Variants in TBKBP1 observed in about 807,000 individuals in gnomAD.
The protein encoded by TBKBP1 is TBK1 binding protein 1.
In TBKBP1, 47 loss-of-function variants were observed where a neutral mutation model predicts 69.9. The ratio of observed to expected loss-of-function variants is 0.67; its 90% CI spans 0.53 to 0.86. The LOEUF (loss-of-function observed/expected upper bound fraction) is 0.86, where lower values mean the gene tolerates loss of function less well. Ranked by LOEUF, TBKBP1 falls within the 40% of genes least tolerant of loss-of-function variation. The probability of loss-of-function intolerance (pLI) is 0.00; values close to 1 mark genes in which losing one functional copy is unlikely to be tolerated. For synonymous variants in TBKBP1, 418 were observed against 390.3 expected (o/e 1.07, Z -0.84); for missense variants, 831 against 858.6 (o/e 0.97, Z 0.40).
Position 47,696,226 on chromosome 17 carries a change from C to T in TBKBP1, c.114C>T (p.Ser38=), listed in dbSNP as rs367644811. Residue 38 remains serine, a synonymous_variant, in exon 2 of 10, where the codon TCC becomes TCT. Transcript: ENST00000578982. ...CCTCGCTTGGGGGCGACATGTGCTCCGCCTCCCACTTTGCCCTCATCACTG... is the reference window on the plus strand; with the variant it reads ...CCTCGCTTGGGGGCGACATGTGCTCTGCCTCCCACTTTGCCCTCATCACTG... The part of the protein sequence containing the change: ...GDPSLGGDMC[S]ASHFALITAY... 4 of 1,613,640 alleles carry T rather than the reference C, an allele frequency of 2.5e-6. No homozygotes were observed. In the African/African-American group the frequency reaches 4.0e-5, roughly 16 times the overall value.
intron 7 of TBKBP1, among the ~76,000 whole-genome samples, chr17:47,700,871 G>A (rs116960121): frequency 0.044 from 6,729 of 152,218 alleles, 222 homozygotes; most frequent in Middle Eastern, 0.16. Context: ...GCAGCCACCC[G>A]GCAACAGTGG....
intron 7 of TBKBP1, among the ~76,000 whole-genome samples, chr17:47,702,033 G>T (rs962166045): frequency 1.3e-5 from 2 of 152,242 alleles, no homozygotes; most frequent in Non-Finnish European, 2.9e-5. Flanking sequence ...TCTCTGGACA[G>T]CCCTAGTTTG....
chr17:47,696,146 C>T lies in TBKBP1; in HGVS notation c.34C>T (p.Leu12=). The change falls in exon 2 of 10, where the codon CTG becomes TTG. Residue 12 remains leucine (L), a synonymous_variant. Transcript: ENST00000578982. ...CATGTTCGAGGACGACATCAGCATCCTGACGCAGGAGGCCCTGGGGCCTAG... is the reference window on the plus strand; with the variant it reads ...CATGTTCGAGGACGACATCAGCATCTTGACGCAGGAGGCCCTGGGGCCTAG... ...ESMFEDDISI[L]TQEALGPSEV... is the part of the protein sequence containing the mutation. The T allele has an allele frequency of 6.2e-7, 1 of 1,613,106 alleles. No individual in the cohort carries two copies. Among genetic ancestry groups the T allele is most frequent in the Non-Finnish European group, 8.5e-7 (1 of 1,179,676 alleles).
intron 9 of TBKBP1, among the ~76,000 whole-genome samples, chr17:47,709,661 A>C (rs1239175048): frequency 2.6e-5 from 4 of 152,174 alleles, no homozygotes; most frequent in Non-Finnish European, 5.9e-5. Context: ...CCCCATTAAG[A>C]TTTCGTTCAT....
chr17:47,709,808 G>A (rs570243989), intron 9 of TBKBP1, among the ~76,000 whole-genome samples: 7 of 152,340 alleles, frequency 4.6e-5, no homozygotes, highest in African/African-American at 1.7e-4. Flanking sequence ...CTGCAAAATG[G>A]GGACAATGAT....
intron 7 of TBKBP1, among the ~76,000 whole-genome samples, chr17:47,700,683 A>G (rs2031466613): frequency 6.6e-6 from 1 of 152,096 alleles, no homozygotes; most frequent in African/African-American, 2.4e-5. Context: ...GCTTAGAGAC[A>G]GGAGAGGTTT....
At chr17:47,704,618 C>T (rs2031635209) in intron 7 of TBKBP1, among the ~76,000 whole-genome samples, 1 of 152,196 alleles carries the variant, frequency 6.6e-6, no homozygotes, top group East Asian at 1.9e-4. Context: ...ACCACATGGA[C>T]AGCTCTAAAC....
At chr17:47,694,362 C>T (rs1037467692) in intron 1 of TBKBP1, among the ~76,000 whole-genome samples, 168 bp downstream of exon 1, 1 of 151,812 alleles carries the variant, frequency 6.6e-6, no homozygotes, top group Non-Finnish European at 1.5e-5. Context: ...CCTCGCGTCC[C>T]CCTCCGCCGC....
Position 47,709,270 on chromosome 17 carries a change from C to G in TBKBP1, c.1537C>G (p.Arg513Gly). 1 of 1,523,842 alleles carries G rather than the reference C, an allele frequency of 6.6e-7. No homozygotes were observed. The highest frequency in any genetic ancestry group is 8.7e-7 in the Non-Finnish European group (1 of 1,143,972). The allele number at this position is 1,523,842 out of a possible 1,614,324, so 94.4% of individuals were successfully genotyped here. A position where few individuals can be genotyped will look rare whatever the true frequency, so the allele number is the denominator to read the frequency against. ...LSPRRAFEGIRLRFEKQPSEE... is the reference protein window; with the variant it reads ...LSPRRAFEGIGLRFEKQPSEE... ...CCCGCGGCGCGCCTTCGAGGGCATC[C>G]GGCTGCGCTTCGAGAAGCAGCCGTC... is the stretch of plus-strand genomic sequence containing the variant. Residue 513 changes from arginine to glycine, a missense_variant, in exon 9 of 10, where the codon CGG becomes GGG. Physicochemically the swap from Arg to Gly is moderately radical, Grantham distance 125 (BLOSUM62 -2). Coordinates refer to ENST00000578982, the MANE Select transcript of TBKBP1 (RefSeq NM_001394755.1).
intron 1 of TBKBP1, chr17:47,695,192 AC>A (rs1597952038): frequency 6.5e-6 from 1 of 152,674 alleles, no homozygotes; most frequent in East Asian, 1.9e-4. Flanking sequence ...ATTGACTGAC[AC>A]ACCTACACTC....
chr17:47,710,283 G>C (rs1047384105), intron 9 of TBKBP1, among the ~76,000 whole-genome samples: 4 of 152,186 alleles, frequency 2.6e-5, no homozygotes, highest in African/African-American at 4.8e-5. Context: ...GCTTAGCAGT[G>C]ACTCTCTCAT....
intron 7 of TBKBP1, among the ~76,000 whole-genome samples, chr17:47,702,119 A>G (rs924325949): frequency 4.6e-5 from 7 of 152,168 alleles, no homozygotes; most frequent in Non-Finnish European, 1.0e-4. Context: ...TCCTTTTGGT[A>G]ATAGGCTGCT....
At position 47,698,765 on chromosome 17, in the gene TBKBP1, C is replaced by T. The variant is rs901787697; in HGVS notation, c.624C>T (p.Gly208=). 6.4e-7 allele frequency: 1 copy of T among 1,571,094 alleles called. No homozygotes were observed. The highest frequency in any genetic ancestry group is 1.3e-5 in the African/African-American group (1 of 74,074). ...LHYLALRGGS[G]LSHAGWPGST... ...ACCTGGCACTGAGAGGGGGATCTGGCTTGAGTCATGGTGAGATCTCAGTGA... is the reference window on the plus strand; with the variant it reads ...ACCTGGCACTGAGAGGGGGATCTGGTTTGAGTCATGGTGAGATCTCAGTGA... Residue 208 remains glycine, a synonymous_variant, in exon 5 of 10, where the codon GGC becomes GGT. Transcript: ENST00000578982.
rs773779905 is a variant in TBKBP1, at chr17:47,709,143, C to G, written c.1410C>G (p.Ala470=). The G allele has an allele frequency of 7.2e-7, 1 of 1,398,086 alleles. No homozygotes were observed. Among genetic ancestry groups the G allele is most frequent in the Non-Finnish European group, 9.2e-7 (1 of 1,085,674 alleles). The allele number at this position is 1,398,086 out of a possible 1,614,324, so 86.6% of individuals were successfully genotyped here. A position where few individuals can be genotyped will look rare whatever the true frequency, so the allele number is the denominator to read the frequency against. The change falls in exon 9 of 10, where the codon GCC becomes GCG. Residue 470 remains alanine, a synonymous_variant. Transcript: ENST00000578982. The part of the protein sequence containing the change: ...RSYSELAEGA[A]YAGASPPWLQ... The stretch of plus-strand genomic sequence containing the variant: ...ACTCTGAGCTGGCGGAGGGCGCGGC[C>G]TACGCGGGCGCCTCCCCGCCCTGGC...
intron 4 of TBKBP1, among the ~76,000 whole-genome samples, chr17:47,697,525 G>A (rs1431284006): frequency 6.6e-6 from 1 of 152,148 alleles, no homozygotes; most frequent in Admixed American, 6.5e-5. Flanking sequence ...TGGCTCTCAC[G>A]CTGGGGTGAC....
intron 7 of TBKBP1, among the ~76,000 whole-genome samples, chr17:47,703,900 T>C (rs1471771134): frequency 6.6e-6 from 1 of 152,154 alleles, no homozygotes; most frequent in Non-Finnish European, 1.5e-5. Context: ...AGTAAGAAAT[T>C]CAGTGCAGAT....
intron 5 of TBKBP1, 62 bp from the exon 6 acceptor site, chr17:47,699,258 T>G: frequency 7.0e-7 from 1 of 1,432,016 alleles, no homozygotes; most frequent in Non-Finnish European, 9.1e-7. Context: ...CCTGTTTCAC[T>G]CTGGCTCTGG....
Position 47,699,483 on chromosome 17 carries a change from G to T in TBKBP1, c.798G>T (p.Glu266Asp), listed in dbSNP as rs2031401965. ...RLQGELKQLQ[E>D]TRAQDLASNQ... is the part of the protein sequence containing the mutation. ...AGGGGGAGCTGAAGCAGCTGCAGGAGACCCGGGCCCAGGTAAATGCAGGGG... is the reference window on the plus strand; with the variant it reads ...AGGGGGAGCTGAAGCAGCTGCAGGATACCCGGGCCCAGGTAAATGCAGGGG... Residue 266 changes from glutamate to aspartate, a missense_variant, in exon 6 of 10, where the codon GAG becomes GAT. Glu to Asp is a conservative substitution (Grantham distance 45, BLOSUM62 2). Transcript: ENST00000578982. The T allele has an allele frequency of 6.3e-7, 1 of 1,578,724 alleles. No individual in the cohort carries two copies. The highest frequency in any genetic ancestry group is 1.1e-5 in the South Asian group (1 of 87,364).
chr17:47,698,678 C>T lies in TBKBP1; in HGVS notation c.537C>T (p.Ala179=). The change falls in exon 5 of 10, where the codon GCC becomes GCT. Residue 179 remains alanine (A), a synonymous_variant. Coordinates refer to ENST00000578982, the MANE Select transcript of TBKBP1 (RefSeq NM_001394755.1). ...AACAGCAAGGCCTCCAGGATGCAGC[C>T]TTCTCCAACCTGAGCCCACCGCCAG... ...LRQQQGLQDA[A]FSNLSPPPAP... The T allele has an allele frequency of 1.2e-6, 2 of 1,604,822 alleles. No individual in the cohort carries two copies. Among genetic ancestry groups the T allele is most frequent in the Non-Finnish European group, 1.7e-6 (2 of 1,175,930 alleles).
Sources: gnomAD v4.1 joint callset for allele counts (sites outside exome capture counted in the v4.1 genomes callset) on GRCh38, gnomAD v4.1.1 for gene constraint, MANE v1.5 for transcripts, NCBI Gene and HGNC (gene_info 2026-07-23, HGNC 2026-07-21) for gene names.